Variants in ADCY2 observed in about 807,000 individuals in gnomAD.
The protein encoded by ADCY2 is adenylate cyclase 2.
A neutral mutation model predicts 125.2 loss-of-function variants in ADCY2; 31 were observed. That is an observed-to-expected ratio of 0.25 (90% CI 0.19 to 0.33). ADCY2 has a LOEUF of 0.33. Ranked by LOEUF, ADCY2 falls within the 10% of genes least tolerant of loss-of-function variation. ADCY2 has a pLI of 1.00. For missense variants in ADCY2, 904 were observed against 1,418.2 expected, an observed-to-expected ratio of 0.64 and a Z score of 5.82; for synonymous variants, 512 against 548.4, an observed-to-expected ratio of 0.93 and a Z score of 0.93.
chr5:7,638,263 T>G (rs1188306005), intron 4 of ADCY2, among the ~76,000 whole-genome samples: 1 of 152,218 alleles, frequency 6.6e-6, no homozygotes, highest in Non-Finnish European at 1.5e-5. Context: ...AATTAAGACT[T>G]TATTTTCTAA....
intron 14 of ADCY2, among the ~76,000 whole-genome samples, chr5:7,730,607 ATTTC>A (rs767453719): frequency 1.3e-5 from 2 of 152,156 alleles, no homozygotes; most frequent in Non-Finnish European, 2.9e-5. Flanking sequence ...TTATATTAAA[ATTTC>A]TTTATCTACT....
intron 4 of ADCY2, among the ~76,000 whole-genome samples, chr5:7,641,670 C>G (rs377624185): frequency 1.3e-5 from 2 of 152,058 alleles, no homozygotes; most frequent in South Asian, 2.1e-4. Context: ...GCCCCTCTGC[C>G]TCTCTCCTCC....
chr5:7,488,360 T>C (rs1743023696), intron 2 of ADCY2, among the ~76,000 whole-genome samples: 1 of 152,138 alleles, frequency 6.6e-6, no homozygotes, highest in Admixed American at 6.5e-5. Context: ...CCTTGATAAA[T>C]TACCCAGTCT....
chr5:7,467,875 G>A (rs1742183372), intron 2 of ADCY2, among the ~76,000 whole-genome samples: 1 of 152,140 alleles, frequency 6.6e-6, no homozygotes, highest in Non-Finnish European at 1.5e-5. Context: ...AAATGATAGT[G>A]CAAATTGCTT....
chr5:7,592,247 A>C (rs1189599365), intron 3 of ADCY2, among the ~76,000 whole-genome samples: 1 of 152,180 alleles, frequency 6.6e-6, no homozygotes, highest in Admixed American at 6.5e-5. Context: ...TTCATCTGGA[A>C]TTCATTTTTA....
intron 2 of ADCY2, among the ~76,000 whole-genome samples, chr5:7,447,600 A>G (rs1324639387): frequency 6.6e-6 from 1 of 151,790 alleles, no homozygotes; most frequent in African/African-American, 2.4e-5. Flanking sequence ...AGAAATGTTC[A>G]CTCCCACAGC....
At chr5:7,664,104 A>G (rs1449109207) in intron 4 of ADCY2, among the ~76,000 whole-genome samples, 2 of 152,214 alleles carry the variant, frequency 1.3e-5, no homozygotes, top group Non-Finnish European at 2.9e-5. Context: ...AGGTAACACT[A>G]GCAGTTTCTG....
Position 7,738,021 on chromosome 5 carries a change from A to T in ADCY2, c.1872-5647A>T, listed in dbSNP as rs190138584. Reference sequence around the variant, plus strand: ...AATTCATCACCAGCAAACCTACAAGATATGCTAATGGAAGTTCCTCAAGCT... The same window carrying T: ...AATTCATCACCAGCAAACCTACAAGTTATGCTAATGGAAGTTCCTCAAGCT... On this transcript the variant is annotated intron_variant, in intron 14 of 24. Transcript: ENST00000338316. 2.5e-3 allele frequency among the ~76,000 whole-genome samples: 386 copies of T among 152,314 alleles called. 3 individuals are homozygous for T. Among genetic ancestry groups the T allele is most frequent in the African/African-American group, 9.0e-3 (373 of 41,578 alleles).
chr5:7,675,596 A>G (rs1529474), intron 4 of ADCY2, among the ~76,000 whole-genome samples: 67,578 of 152,066 alleles, frequency 0.44, 15,757 homozygotes, highest in East Asian at 0.83. Context: ...CAAACCAGGC[A>G]CTGTTCCATT....
rs1046315846 is a variant in ADCY2 at position 7,802,078 on chromosome 5, G to T, written c.2629-140G>T. ...GCAGCGGCAGCATCTGGATTGGGCCGCGGCTGGGGTGGGGCAAGTGGAGTA... is the reference window on the plus strand; with the variant it reads ...GCAGCGGCAGCATCTGGATTGGGCCTCGGCTGGGGTGGGGCAAGTGGAGTA... On this transcript the variant is annotated intron_variant, in intron 20 of 24. Transcript: ENST00000338316. The surrounding 1 kb of genome is among the most constrained non-coding windows in gnomAD (Gnocchi z 4.6). 1 of 900,288 alleles carries T rather than the reference G, an allele frequency of 1.1e-6. No homozygotes were observed. The highest frequency in any genetic ancestry group is 1.7e-5 in the African/African-American group (1 of 59,960). 55.8% of individuals were successfully genotyped at this position (900,288 alleles called of 1,614,324 possible). A position where few individuals can be genotyped will look rare whatever the true frequency, so the allele number is the denominator to read the frequency against.
intron 1 of ADCY2, among the ~76,000 whole-genome samples, chr5:7,397,454 T>TG (rs199784382): frequency 0.024 from 3,483 of 145,506 alleles, 177 homozygotes; most frequent in African/African-American, 0.085. Flanking sequence ...AGTTTTTTTT[T>TG]TTTTTTTTTT....
At chr5:7,817,474 C>T (rs1338793100) in intron 23 of ADCY2, among the ~76,000 whole-genome samples, 1 of 152,130 alleles carries the variant, frequency 6.6e-6, no homozygotes, top group African/African-American at 2.4e-5. Context: ...GACAGCTTTT[C>T]CGATTGTGTT....
intron 4 of ADCY2, among the ~76,000 whole-genome samples, chr5:7,636,229 G>A (rs1738498739): frequency 6.6e-6 from 1 of 152,228 alleles, no homozygotes; most frequent in Non-Finnish European, 1.5e-5. Context: ...CATTTGCAGG[G>A]CCAGCAAAAA....
At chr5:7,400,034 ATTAT>A (rs1270097565) in intron 1 of ADCY2, among the ~76,000 whole-genome samples, 1 of 151,990 alleles carries the variant, frequency 6.6e-6, no homozygotes, top group African/African-American at 2.4e-5. Context: ...ACTCTCATTT[ATTAT>A]ATCCAAAATC....
At chr5:7,757,975 A>T (rs1349532204) in intron 16 of ADCY2, among the ~76,000 whole-genome samples, 1 of 152,178 alleles carries the variant, frequency 6.6e-6, no homozygotes, top group African/African-American at 2.4e-5. Context: ...GGCTACAGAA[A>T]TAACTGCAAT....
At chr5:7,524,611 C>T (rs918361777) in intron 3 of ADCY2, among the ~76,000 whole-genome samples, 2 of 152,198 alleles carry the variant, frequency 1.3e-5, no homozygotes, top group South Asian at 4.1e-4. Context: ...GATCCTAACA[C>T]TTTTGAAGAT....
chr5:7,743,573 A>G, intron 14 of ADCY2, 95 bp from the exon 15 acceptor site: 2 of 1,115,186 alleles, frequency 1.8e-6, no homozygotes, highest in South Asian at 2.7e-5. Context: ...TCTGCATTTA[A>G]TAAAGTCCTC....
Position 7,743,671 on chromosome 5 carries a change from G to A in ADCY2, c.1875G>A (p.Thr625=), listed in dbSNP as rs769551119. ...FIVQILVLPK[T]SVLGISFGAA... ...GCTGCTTTTTGTTTCCCGGTAGAAC[G>A]TCCGTCCTGGGCATCTCCTTTGGGG... The change falls in exon 15 of 25, where the codon ACG becomes ACA. Residue 625 remains threonine (T), a synonymous_variant. Coordinates refer to ENST00000338316, the MANE Select transcript of ADCY2 (RefSeq NM_020546.3). 3.2e-5 allele frequency: 52 copies of A among 1,613,704 alleles called. No homozygotes were observed. The South Asian group carries it at 4.8e-4, about 15-fold the overall frequency.
intron 2 of ADCY2, among the ~76,000 whole-genome samples, chr5:7,468,681 C>T (rs369872889): frequency 1.3e-5 from 2 of 152,070 alleles, no homozygotes; most frequent in East Asian, 3.8e-4. Flanking sequence ...AGCTAAAACC[C>T]TCCTATTTAT....
Sources: gnomAD v4.1 joint callset for allele counts (sites outside exome capture counted in the v4.1 genomes callset) on GRCh38, gnomAD v4.1.1 for gene constraint, Gnocchi (gnomAD v3.1) non-coding constraint, MANE v1.5 for transcripts, NCBI Gene and HGNC (gene_info 2026-07-23, HGNC 2026-07-21) for gene names.